Variants in KCNAB2 observed in about 807,000 individuals in gnomAD.
The protein encoded by KCNAB2 is voltage-gated potassium channel subunit beta-2.
A neutral mutation model predicts 63.6 loss-of-function variants in KCNAB2; 29 were observed. The observed-to-expected ratio is 0.46, with a 90% CI of 0.34 to 0.62. KCNAB2 has a LOEUF of 0.62. Ranked by LOEUF, KCNAB2 falls within the 20% of genes least tolerant of loss-of-function variation. The pLI, the probability that KCNAB2 is intolerant of heterozygous loss-of-function variation, is 0.01. For synonymous variants in KCNAB2, 222 were observed against 224.2 expected, an observed-to-expected ratio of 0.99 and a Z score of 0.09; for missense variants, 359 against 563.9, an observed-to-expected ratio of 0.64 and a Z score of 3.68.
chr1:6,062,308 AAG>A (rs1491318175), intron 2 of KCNAB2, among the ~76,000 whole-genome samples: 1 of 152,004 alleles, frequency 6.6e-6, no homozygotes, highest in Non-Finnish European at 1.5e-5. Context: ...GAAAAAAAAA[AAG>A]AAGTCCAAAA....
intron 1 of KCNAB2, among the ~76,000 whole-genome samples, chr1:6,000,934 G>A (rs558809919): frequency 3.3e-5 from 5 of 152,286 alleles, no homozygotes; most frequent in Non-Finnish European, 7.4e-5. Context: ...GCGTCACTCA[G>A]GCCACCACCA....
At chr1:6,053,782 C>A (rs893772379) in intron 2 of KCNAB2, among the ~76,000 whole-genome samples, 2 of 152,178 alleles carry the variant, frequency 1.3e-5, no homozygotes, top group African/African-American at 4.8e-5. Context: ...TCATCCTAAA[C>A]CTCAGAATAT....
chr1:6,011,527 G>A (rs1204094491), intron 1 of KCNAB2, among the ~76,000 whole-genome samples: 2 of 152,226 alleles, frequency 1.3e-5, no homozygotes, highest in Non-Finnish European at 2.9e-5. Context: ...AGAGGGGGTT[G>A]AAGGATGGAA....
chr1:6,070,098 T>C lies in KCNAB2; in HGVS notation c.219-2657T>C, dbSNP rs150162760. On this transcript the variant is annotated intron_variant, in intron 2 of 15. Coordinates refer to ENST00000378083, the MANE Select transcript of KCNAB2 (RefSeq NM_001199862.2). ...CCCACAGTCACTCGTGGAGGTGGTT[T>C]TGCAGAGGTGGGGGCCAGGCCTCCC... Among the ~76,000 whole-genome samples the C allele has an allele frequency of 4.2e-3, 641 of 152,324 alleles. 1 individual carries two copies. Among genetic ancestry groups the C allele is most frequent in the African/African-American group, 0.014 (584 of 41,576 alleles).
chr1:6,068,456 ACT>A (rs1662932316), intron 2 of KCNAB2, among the ~76,000 whole-genome samples: 1 of 152,036 alleles, frequency 6.6e-6, no homozygotes. Flanking sequence ...CAGCCCTAGC[ACT>A]CTCTGACTGA....
chr1:6,063,787 T>C (rs1488590982), intron 2 of KCNAB2, among the ~76,000 whole-genome samples: 1 of 152,210 alleles, frequency 6.6e-6, no homozygotes, highest in Non-Finnish European at 1.5e-5. Flanking sequence ...TGTCGGTTGA[T>C]GGGTGTTTGG....
At chr1:6,041,663 G>A (rs932733894), upstream of KCNAB2, 35 of 614,846 alleles carry the variant, frequency 5.7e-5, no homozygotes, top group African/African-American at 4.2e-4. Flanking sequence ...ACTTGGCACC[G>A]GCTGCGCTTC....
In KCNAB2 at chr1:6,001,296, CCACACACA is replaced by C. The variant is rs56828069; in HGVS notation, c.-53+8536_-53+8543del. Among the ~76,000 whole-genome samples, 633 of 147,038 alleles carry C rather than the reference CCACACACA, an allele frequency of 4.3e-3. 1 individual carries two copies. Among genetic ancestry groups the C allele is most frequent in the African/African-American group, 8.6e-3 (342 of 39,916 alleles). On this transcript the variant is annotated intron_variant, in intron 1 of 16. Coordinates refer to the KCNAB2 transcript ENST00000341524. ...GAGCTGCTCCAGCTGCATGTGATCA[CCACACACA>C]CACACACACACACACACACACACAC...
intron 7 of KCNAB2, among the ~76,000 whole-genome samples, chr1:6,088,255 A>G (rs1456268626): frequency 7.0e-6 from 1 of 142,600 alleles, no homozygotes; most frequent in Admixed American, 7.1e-5. Flanking sequence ...TTTTTGAGAC[A>G]GGGTCTCACT....
chr1:6,066,980 G>A (rs1662809900), intron 2 of KCNAB2, among the ~76,000 whole-genome samples: 1 of 152,238 alleles, frequency 6.6e-6, no homozygotes, highest in African/African-American at 2.4e-5. Flanking sequence ...CATGTCAGGA[G>A]CAGGGCCTCC....
At chr1:6,092,456 G>A (rs539700989) in intron 10 of KCNAB2, among the ~76,000 whole-genome samples, 14 of 152,272 alleles carry the variant, frequency 9.2e-5, no homozygotes, top group African/African-American at 2.4e-4. Context: ...GACAGCTGCC[G>A]GGGAGGGAGA....
At chr1:6,080,265 G>A (rs1664079424) in intron 4 of KCNAB2, among the ~76,000 whole-genome samples, 1 of 152,182 alleles carries the variant, frequency 6.6e-6, no homozygotes, top group South Asian at 2.1e-4. Context: ...AGGAAGCAGT[G>A]AGCAGGTGAA....
At position 6,051,468 on chromosome 1, in the gene KCNAB2, G is replaced by A. The variant is rs186325427; in HGVS notation, c.-26-43G>A. Reference sequence around the variant, plus strand: ...GGGCCAGCCATCCAGCCTGGGGCACGTGGGGCATTGGCACACTGTCTAACT... The same window carrying A: ...GGGCCAGCCATCCAGCCTGGGGCACATGGGGCATTGGCACACTGTCTAACT... On this transcript the variant is annotated intron_variant, in intron 1 of 15. Transcript: ENST00000378083. The A allele has an allele frequency of 1.7e-4, 241 of 1,427,960 alleles. 1 individual carries two copies. The African/African-American group carries it at 3.0e-3, about 18-fold the overall frequency. The allele number at this position is 1,427,960 out of a possible 1,614,324, so 88.5% of individuals were successfully genotyped here.
rs535948109 is a variant in KCNAB2 at position 6,078,821 on chromosome 1, C to G, written c.301-3374C>G. On this transcript the variant is annotated intron_variant, in intron 4 of 15. Coordinates refer to ENST00000378083, the MANE Select transcript of KCNAB2 (RefSeq NM_001199862.2). The surrounding 1 kb of genome is among the most constrained non-coding windows in gnomAD (Gnocchi z 4.2). ...GAAGGCACATCCTGATGTGGCAGGG[C>G]TGTCGTGGAGCCTGGGAGGCCGCAT... Among the ~76,000 whole-genome samples, 1 of 152,180 alleles carries G rather than the reference C, an allele frequency of 6.6e-6. No homozygotes were observed. The highest frequency in any genetic ancestry group is 1.9e-4 in the East Asian group (1 of 5,194).
At chr1:6,037,629 C>A (rs1406474722) in intron 1 of KCNAB2, among the ~76,000 whole-genome samples, 1 of 152,230 alleles carries the variant, frequency 6.6e-6, no homozygotes, top group Non-Finnish European at 1.5e-5. Flanking sequence ...AGCACAGCAT[C>A]TTTAGGAGTT....
chr1:6,038,426 G>A lies in KCNAB2; in HGVS notation c.-52-2091G>A, dbSNP rs560464636. On this transcript the variant is annotated intron_variant, in intron 1 of 15. Coordinates refer to the KCNAB2 transcript ENST00000164247. ...CCACCTCAGCCTCCCGAGTAGCTGG[G>A]ATTACAGACATGCATCACCACGCCC... Among the ~76,000 whole-genome samples, 4 of 152,166 alleles carry A rather than the reference G, an allele frequency of 2.6e-5. No individual in the cohort carries two copies. In the East Asian group the frequency reaches 7.7e-4, roughly 29 times the overall value.
chr1:6,061,678 T>TA (rs1286596346), intron 2 of KCNAB2, among the ~76,000 whole-genome samples: 33 of 152,316 alleles, frequency 2.2e-4, no homozygotes, highest in African/African-American at 7.9e-4. Flanking sequence ...CATGCACTGA[T>TA]ACAGAGTAAT....
rs1383616893 is a variant in KCNAB2 at position 6,073,463 on chromosome 1, G to A, written c.263-270G>A. On this transcript the variant is annotated intron_variant, in intron 3 of 15. Coordinates refer to ENST00000378083, the MANE Select transcript of KCNAB2 (RefSeq NM_001199862.2). This position sits in a 1 kb window ranked among gnomAD's most constrained non-coding sequence, Gnocchi z 5.7. Reference sequence around the variant, plus strand: ...ACTAGAGCTGCCTCAGTACAGCTCTGACCAGCATTTCAAAAGCCCCAGACC... The same window carrying A: ...ACTAGAGCTGCCTCAGTACAGCTCTAACCAGCATTTCAAAAGCCCCAGACC... Among the ~76,000 whole-genome samples the A allele has an allele frequency of 1.3e-5, 2 of 152,196 alleles. No individual in the cohort carries two copies. Among genetic ancestry groups the A allele is most frequent in the Non-Finnish European group, 2.9e-5 (2 of 68,042 alleles).
intron 15 of KCNAB2, chr1:6,098,211 T>G: frequency 1.7e-6 from 2 of 1,186,616 alleles, no homozygotes; most frequent in Non-Finnish European, 2.1e-6. Flanking sequence ...GAGTTTCCAT[T>G]TTATGTCACT....
Sources: gnomAD v4.1 joint callset for allele counts (sites outside exome capture counted in the v4.1 genomes callset) on GRCh38, gnomAD v4.1.1 for gene constraint, Gnocchi (gnomAD v3.1) non-coding constraint, MANE v1.5 for transcripts, NCBI Gene and HGNC (gene_info 2026-07-23, HGNC 2026-07-21) for gene names.